MUC5AC: variants seen among roughly 807,000 people sequenced by gnomAD.
MUC5AC encodes mucin-5AC.
In MUC5AC, 158 loss-of-function variants were observed where a neutral mutation model predicts 169.7. The observed-to-expected ratio is 0.93, with a 90% CI of 0.82 to 1.06. The LOEUF (loss-of-function observed/expected upper bound fraction) is 1.06. MUC5AC is among the 50% of genes least tolerant of loss of function. The pLI, the probability that MUC5AC is intolerant of heterozygous loss-of-function variation, is 0.00. For missense variants in MUC5AC, 4,359 were observed against 3,089.9 expected, an observed-to-expected ratio of 1.41 and a Z score of -9.74; for synonymous variants, 1,975 against 1,237.0, an observed-to-expected ratio of 1.60 and a Z score of -12.52.
rs1342712951 is a variant in MUC5AC, at chr11:1,192,260, C to G, written c.14115C>G (p.Asn4705Lys). ...CSREEGLVCR[N>K]QDQQGPFKMC... ...GTGAAGAGGGCCTGGTGTGCCGGAACCAGGACCAGCAGGGACCCTTCAAGA... is the reference window on the plus strand; with the variant it reads ...GTGAAGAGGGCCTGGTGTGCCGGAAGCAGGACCAGCAGGGACCCTTCAAGA... Residue 4705 changes from asparagine to lysine, a missense_variant, in exon 31 of 49, where the codon AAC (asparagine) becomes AAG (lysine). Coordinates refer to ENST00000621226, the MANE Select transcript of MUC5AC (RefSeq NM_001304359.2). 4 of 765,052 alleles carry G rather than the reference C, an allele frequency of 5.2e-6. No homozygotes were observed. Among genetic ancestry groups the G allele is most frequent in the Non-Finnish European group, 9.6e-6 (4 of 417,888 alleles). The allele number at this position is 765,052 out of a possible 1,614,324, so 47.4% of individuals were successfully genotyped here.
chr11:1,168,045 C>A, intron 12 of MUC5AC, 58 bp downstream of exon 12: 1 of 1,404,816 alleles, frequency 7.1e-7, no homozygotes, highest in Non-Finnish European at 9.8e-7. Flanking sequence ...GTCTCTTCTG[C>A]AAGTCACCTC....
Position 1,188,915 on chromosome 11 carries a change from C to G in MUC5AC, c.10770C>G (p.Arg3590=), listed in dbSNP as rs1384969040. ...EHLGQVVQCS[R]EEGLVCRNQD... ...TGGGCCAGGTGGTGCAGTGCAGCCG[C>G]GAAGAGGGCCTGGTGTGCCGGAACC... is the stretch of plus-strand genomic sequence containing the variant. The change falls in exon 31 of 49, where the codon CGC becomes CGG. Residue 3590 remains arginine, a synonymous_variant. Transcript: ENST00000621226. 998 of 733,286 alleles carry G rather than the reference C, an allele frequency of 1.4e-3. 2 individuals are homozygous for G. In the East Asian group the frequency reaches 0.014, roughly 10 times the overall value. The allele number at this position is 733,286 out of a possible 1,614,324, so 45.4% of individuals were successfully genotyped here. A position where few individuals can be genotyped will look rare whatever the true frequency, so the allele number is the denominator to read the frequency against.
intron 2 of MUC5AC, among the ~76,000 whole-genome samples, chr11:1,161,081 G>A (rs867497515): frequency 6.6e-5 from 10 of 152,222 alleles, no homozygotes; most frequent in South Asian, 2.1e-4. Context: ...TCGTGCTAGC[G>A]GGAGCCCGTG....
Position 1,193,615 on chromosome 11 carries a change from A to C in MUC5AC, c.14711A>C (p.Lys4904Thr). 1.3e-6 allele frequency: 1 copy of C among 765,024 alleles called. No homozygotes were observed. The highest frequency in any genetic ancestry group is 2.4e-6 in the Non-Finnish European group (1 of 417,844). The allele number at this position is 765,024 out of a possible 1,614,324, so 47.4% of individuals were successfully genotyped here. ...TGTGCCAACGGCTACCCGGCTGTGAAGGTGGCTGACCAAGATGGCTGCTGC... is the reference window on the plus strand; with the variant it reads ...TGTGCCAACGGCTACCCGGCTGTGACGGTGGCTGACCAAGATGGCTGCTGC... ...PTCANGYPAV[K>T]VADQDGCCHH... The change falls in exon 33 of 49, where the codon AAG becomes ACG. Residue 4904 changes from lysine to threonine, a missense_variant. Lys to Thr is a moderately conservative substitution (Grantham distance 78). Transcript: ENST00000621226.
At position 1,176,152 on chromosome 11, in the gene MUC5AC, G is replaced by A; in HGVS notation, c.2403G>A (p.Val801=). The A allele has an allele frequency of 2.5e-6, 1 of 398,702 alleles. No individual in the cohort carries two copies. Among genetic ancestry groups the A allele is most frequent in the East Asian group, 3.6e-5 (1 of 28,086 alleles). 24.7% of individuals were successfully genotyped at this position (398,702 alleles called of 1,614,324 possible). The change falls in exon 20 of 49, where the codon GTG becomes GTA. Residue 801 remains valine, a splice_region_variant and synonymous_variant. Transcript: ENST00000621226. The stretch of plus-strand genomic sequence containing the variant: ...CCCTGACGGCCCCTCCCTCCCCAGT[G>A]TGTGCTGCGCCCATGGTGTTCTTTG... ...SCIGGQAPAP[V]CAAPMVFFDC...
Position 1,195,949 on chromosome 11 carries a change from A to C in MUC5AC, c.15532A>C (p.Met5178Leu). Residue 5178 changes from methionine (M) to leucine (L), a missense_variant, in exon 37 of 49, where the codon ATG becomes CTG. Transcript: ENST00000621226. ...GGGCTGCGTCTTTGACCGGTGCCAC[A>C]TGACGGACCTGGATGTGGTGTGCTC... ...YEGCVFDRCH[M>L]TDLDVVCSSL... The C allele has an allele frequency of 2.6e-6, 2 of 764,670 alleles. No homozygotes were observed. Among genetic ancestry groups the C allele is most frequent in the Non-Finnish European group, 4.8e-6 (2 of 417,644 alleles). 47.4% of individuals were successfully genotyped at this position (764,670 alleles called of 1,614,324 possible).
At chr11:1,175,993 C>T (rs1462505328) in intron 19 of MUC5AC, among the ~76,000 whole-genome samples, 158 bp from the exon 20 acceptor site, 4 of 149,636 alleles carry the variant, frequency 2.7e-5, no homozygotes, top group Non-Finnish European at 5.9e-5. Context: ...CTCATGGACA[C>T]GCTCACACAC....
At chr11:1,162,859 G>C in intron 5 of MUC5AC, 96 bp from the exon 6 acceptor site, 2 of 1,276,202 alleles carry the variant, frequency 1.6e-6, no homozygotes, top group Admixed American at 3.4e-5. Flanking sequence ...TGTCTCTTCC[G>C]TGGGCCTCGG....
In MUC5AC at chr11:1,190,566, C is replaced by G; in HGVS notation, c.12421C>G (p.Pro4141Ala). The G allele has an allele frequency of 1.4e-6, 1 of 697,158 alleles. No homozygotes were observed. Among genetic ancestry groups the G allele is most frequent in the South Asian group, 1.5e-5 (1 of 66,724 alleles). The allele number at this position is 697,158 out of a possible 1,614,324, so 43.2% of individuals were successfully genotyped here. Residue 4141 changes from proline to alanine, a missense_variant, in exon 31 of 49, where the codon CCT becomes GCT. Transcript: ENST00000621226. ...SAPTTSTTSAPTHRTTSGPTT... is the reference protein window; with the variant it reads ...SAPTTSTTSAATHRTTSGPTT... ...CCCTACAACCAGCACGACCTCAGCT[C>G]CTACACACAGAACGACTTCTGGTCC...
Position 1,188,965 on chromosome 11 carries a change from T to C in MUC5AC, c.10820T>C (p.Met3607Thr). Reference protein sequence around the residue: ...RNQDQQGPFKMCLNYEVRVLC... With the variant: ...RNQDQQGPFKTCLNYEVRVLC... Reference sequence around the variant, plus strand: ...CAGGACCAGCAGGGACCCTTCAAGATGTGCCTCAACTACGAGGTGCGTGTG... The same window carrying C: ...CAGGACCAGCAGGGACCCTTCAAGACGTGCCTCAACTACGAGGTGCGTGTG... The change falls in exon 31 of 49, where the codon ATG (methionine) becomes ACG (threonine). Residue 3607 changes from methionine (M) to threonine (T), a missense_variant. Transcript: ENST00000621226. The C allele has an allele frequency of 1.4e-6, 1 of 706,278 alleles. No individual in the cohort carries two copies. Among genetic ancestry groups the C allele is most frequent in the Admixed American group, 2.0e-5 (1 of 49,414 alleles). 43.8% of individuals were successfully genotyped at this position (706,278 alleles called of 1,614,324 possible).
chr11:1,165,801 G>A (rs1205615425), intron 11 of MUC5AC, 41 bp downstream of exon 11: 49 of 1,607,174 alleles, frequency 3.0e-5, no homozygotes, highest in Admixed American at 6.7e-5. Context: ...GACAGAGGGG[G>A]CCCATGGCCA....
In MUC5AC at chr11:1,185,943, C is replaced by T. The variant is rs1860932393; in HGVS notation, c.7798C>T (p.Pro2600Ser). The T allele has an allele frequency of 1.3e-6, 1 of 741,690 alleles. No individual in the cohort carries two copies. Among genetic ancestry groups the T allele is most frequent in the Non-Finnish European group, 2.5e-6 (1 of 406,292 alleles). The allele number at this position is 741,690 out of a possible 1,614,324, so 45.9% of individuals were successfully genotyped here. A position where few individuals can be genotyped will look rare whatever the true frequency, so the allele number is the denominator to read the frequency against. The change falls in exon 31 of 49, where the codon CCC (proline) becomes TCC (serine). Residue 2600 changes from proline (P) to serine (S), a missense_variant. By Grantham distance (74) the Pro-to-Ser change is moderately conservative. Transcript: ENST00000621226. ...SGPGTTPSAV[P>S]TTSITSAPTT... ...TCCTGGAACTACTCCCAGTGCTGTT[C>T]CCACCACCAGCATAACCTCTGCACC... is the stretch of plus-strand genomic sequence containing the variant.
chr11:1,195,318 C>T (rs761568616), intron 36 of MUC5AC, 39 bp downstream of exon 36: 21 of 746,676 alleles, frequency 2.8e-5, no homozygotes, highest in East Asian at 9.8e-5. Context: ...TCAGTGTGGC[C>T]GCCCCACCTC....
Position 1,189,756 on chromosome 11 carries a change from A to G in MUC5AC, c.11611A>G (p.Thr3871Ala), listed in dbSNP as rs1751487810. 1.5e-6 allele frequency: 1 copy of G among 670,052 alleles called. No homozygotes were observed. The highest frequency in any genetic ancestry group is 1.8e-5 in the African/African-American group (1 of 56,790). 41.5% of individuals were successfully genotyped at this position (670,052 alleles called of 1,614,324 possible). Reference protein sequence around the residue: ...SSTTSAPTASTISAPTTSTTS... With the variant: ...SSTTSAPTASAISAPTTSTTS... ...CACAACCTCTGCTCCTACAGCCAGC[A>G]CAATCTCTGCCCCTACAACCAGCAC... Residue 3871 changes from threonine to alanine, a missense_variant, in exon 31 of 49, where the codon ACA becomes GCA. By Grantham distance (58) the Thr-to-Ala change is moderately conservative. Transcript: ENST00000621226.
rs1440450283 is a variant in MUC5AC, at chr11:1,192,232, G to A, written c.14087G>A (p.Ser4696Asn). 1 of 765,128 alleles carries A rather than the reference G, an allele frequency of 1.3e-6. No individual in the cohort carries two copies. 47.4% of individuals were successfully genotyped at this position (765,128 alleles called of 1,614,324 possible). A position where few individuals can be genotyped will look rare whatever the true frequency, so the allele number is the denominator to read the frequency against. ...CACCTGGGTCAGGTGGTGCAGTGCA[G>A]CCGTGAAGAGGGCCTGGTGTGCCGG... ...IEHLGQVVQCSREEGLVCRNQ... is the reference protein window; with the variant it reads ...IEHLGQVVQCNREEGLVCRNQ... The change falls in exon 31 of 49, where the codon AGC (serine) becomes AAC (asparagine). Residue 4696 changes from serine (S) to asparagine (N), a missense_variant. Transcript: ENST00000621226.
rs1359242141 is a variant in MUC5AC at position 1,171,428 on chromosome 11, T to C, written c.1871-1001T>C. On this transcript the variant is annotated intron_variant, in intron 15 of 48. Transcript: ENST00000621226. ...CCACTCACTCACCTCACTCACTCAC[T>C]CAACTTACTCACCCACTCACCCATT... Among the ~76,000 whole-genome samples, 313 of 78,878 alleles carry C rather than the reference T, an allele frequency of 4.0e-3. 3 individuals are homozygous for C. In the Admixed American group the frequency reaches 0.041, roughly 10 times the overall value. The allele number at this position is 78,878 out of a possible 152,430, so 51.7% of individuals were successfully genotyped here.
intron 15 of MUC5AC, among the ~76,000 whole-genome samples, chr11:1,171,434 TACTCACCC>T (rs1477389544): frequency 1.5e-5 from 1 of 66,998 alleles, no homozygotes; most frequent in East Asian, 5.4e-4. Flanking sequence ...TCACTCAACT[TACTCACCC>T]ACTCACCCAT....
intron 15 of MUC5AC, among the ~76,000 whole-genome samples, chr11:1,171,058 ACCCACTCAC>A (rs1860505558): frequency 7.3e-6 from 1 of 137,672 alleles, no homozygotes; most frequent in African/African-American, 2.8e-5. Context: ...TCACCCATTC[ACCCACTCAC>A]CGACTCACCC....
Position 1,196,448 on chromosome 11 carries a change from G to T in MUC5AC, c.15698G>T (p.Cys5233Phe). 1 of 765,028 alleles carries T rather than the reference G, an allele frequency of 1.3e-6. No homozygotes were observed. The highest frequency in any genetic ancestry group is 2.4e-6 in the Non-Finnish European group (1 of 417,822). 47.4% of individuals were successfully genotyped at this position (765,028 alleles called of 1,614,324 possible). ...QPCGPSNPSY[C>F]YGNDSASLGA... Reference sequence around the variant, plus strand: ...TGCGGCCCGAGCAACCCCTCCTACTGCTACGGGAATGACAGCGCCAGCCTC... The same window carrying T: ...TGCGGCCCGAGCAACCCCTCCTACTTCTACGGGAATGACAGCGCCAGCCTC... Residue 5233 changes from cysteine to phenylalanine, a missense_variant, in exon 38 of 49, where the codon TGC becomes TTC. Coordinates refer to ENST00000621226, the MANE Select transcript of MUC5AC (RefSeq NM_001304359.2).
Sources: gnomAD v4.1 joint callset for allele counts (sites outside exome capture counted in the v4.1 genomes callset) on GRCh38, gnomAD v4.1.1 for gene constraint, MANE v1.5 for transcripts, NCBI Gene and HGNC (gene_info 2026-07-23, HGNC 2026-07-21) for gene names.